Variants in CENPU observed in about 807,000 individuals in gnomAD.
CENPU encodes KSHV latent nuclear antigen interacting protein 1.
Under a neutral mutation model 56.7 loss-of-function variants are expected in CENPU, and 46 were observed. That is an observed-to-expected ratio of 0.81 (90% CI 0.64 to 1.04). The LOEUF is 1.04. CENPU is among the 50% of genes least tolerant of loss of function. The pLI is 0.00. For synonymous variants in CENPU, 166 were observed against 163.0 expected, an observed-to-expected ratio of 1.02 and a Z score of -0.14; for missense variants, 510 against 490.1, an observed-to-expected ratio of 1.04 and a Z score of -0.38.
At chr4:184,732,985 C>CAAAAA (rs56015944) in intron 1 of CENPU, among the ~76,000 whole-genome samples, 1 of 114,870 alleles carries the variant, frequency 8.7e-6, no homozygotes, top group African/African-American at 3.3e-5. Context: ...GACTCCGTCT[C>CAAAAA]AAAAAAAAAA....
rs1384473833 is a variant in CENPU, at chr4:184,710,138, T to C, written c.731A>G (p.Lys244Arg). 9.9e-6 allele frequency: 16 copies of C among 1,610,942 alleles called. No individual in the cohort carries two copies. The highest frequency in any genetic ancestry group is 1.7e-4 in the Middle Eastern group (1 of 6,056). ...ATTCAACTCCTTGATGTCACTGGTTTTCATTCCTTCTGGACACCAAATGTG... is the reference window on the plus strand; with the variant it reads ...ATTCAACTCCTTGATGTCACTGGTTCTCATTCCTTCTGGACACCAAATGTG... ...IVHIWCPEGMKTSDIKELNIV... is the reference protein window; with the variant it reads ...IVHIWCPEGMRTSDIKELNIV... The change falls in exon 8 of 13, where the codon AAA (lysine) becomes AGA (arginine). Residue 244 changes from lysine to arginine, a missense_variant. Coordinates refer to ENST00000281453, the MANE Select transcript of CENPU (RefSeq NM_024629.4).
In CENPU at chr4:184,694,622, C is replaced by T. The variant is rs774537982; in HGVS notation, c.*666G>A. The T allele has an allele frequency of 2.5e-6, 4 of 1,614,032 alleles. No individual in the cohort carries two copies. The Admixed American group carries it at 5.0e-5, about 20-fold the overall frequency. ...AGCAGGCTGTCAACAGGTGCATCTG[C>T]TGATGCTGTCTGGGATAATGGCATT... On this transcript the variant is annotated 3_prime_UTR_variant, in exon 13 of 13. Transcript: ENST00000281453.
intron 8 of CENPU, among the ~76,000 whole-genome samples, chr4:184,707,595 C>A (rs998595204): frequency 1.3e-5 from 2 of 152,164 alleles, no homozygotes; most frequent in Non-Finnish European, 2.9e-5. Flanking sequence ...GCTGACCTGA[C>A]AGGCTGTTTT....
At chr4:184,712,213 CTGTAG>C (rs1456370074) in intron 7 of CENPU, among the ~76,000 whole-genome samples, 4 of 151,356 alleles carry the variant, frequency 2.6e-5, no homozygotes, top group Non-Finnish European at 5.9e-5. Flanking sequence ...ACTGGATCAA[CTGTAG>C]TGTAATCACA....
intron 6 of CENPU, 61 bp from the exon 7 acceptor site, chr4:184,713,074 A>G: frequency 2.8e-6 from 3 of 1,054,748 alleles, no homozygotes; most frequent in Non-Finnish European, 4.2e-6. Context: ...AAACATTAGG[A>G]TTAAGACTGT....
intron 11 of CENPU, chr4:184,699,468 G>C: frequency 1.3e-6 from 1 of 777,820 alleles, no homozygotes; most frequent in Non-Finnish European, 1.9e-6. Context: ...AGTTAGCATA[G>C]GAAGCGTTTA....
In CENPU at chr4:184,694,872, C is replaced by A; in HGVS notation, c.*416G>T. On this transcript the variant is annotated 3_prime_UTR_variant, in exon 13 of 13. Coordinates refer to ENST00000281453, the MANE Select transcript of CENPU (RefSeq NM_024629.4). ...ATATCATTCAACCTGTTTATATAAACTAAGTTTTATTACTTTGCTTTCCAA... is the reference window on the plus strand; with the variant it reads ...ATATCATTCAACCTGTTTATATAAAATAAGTTTTATTACTTTGCTTTCCAA... The A allele has an allele frequency of 9.0e-7, 1 of 1,112,642 alleles. No homozygotes were observed. Among genetic ancestry groups the A allele is most frequent in the Non-Finnish European group, 1.3e-6 (1 of 787,812 alleles). 68.9% of individuals were successfully genotyped at this position (1,112,642 alleles called of 1,614,324 possible).
At chr4:184,725,222 C>G (rs185807736) in intron 3 of CENPU, among the ~76,000 whole-genome samples, 160 bp from the exon 4 acceptor site, 1 of 152,310 alleles carries the variant, frequency 6.6e-6, no homozygotes, top group East Asian at 1.9e-4. Flanking sequence ...GATCTCACAC[C>G]TCAACAATAA....
rs189768655 is a variant in CENPU at position 184,698,575 on chromosome 4, C to T, written c.987-772G>A. Among the ~76,000 whole-genome samples, 340 of 152,160 alleles carry T rather than the reference C, an allele frequency of 2.2e-3. 2 individuals carry two copies. The highest frequency in any genetic ancestry group is 7.7e-3 in the African/African-American group (321 of 41,502). ...AAGTGATTCTCCTGCCTCAGCCTCT[C>T]GAGTAGCTGGGATTACAGGTGCCCA... is the stretch of plus-strand genomic sequence containing the variant. On this transcript the variant is annotated intron_variant, in intron 11 of 12. Transcript: ENST00000281453.
At chr4:184,714,695 G>A (rs933889364) in intron 6 of CENPU, among the ~76,000 whole-genome samples, 1 of 151,952 alleles carries the variant, frequency 6.6e-6, no homozygotes, top group Non-Finnish European at 1.5e-5. Flanking sequence ...AAAATAAAAT[G>A]GAATACAAAA....
intron 8 of CENPU, among the ~76,000 whole-genome samples, chr4:184,703,378 C>T (rs1386727214): frequency 6.6e-6 from 1 of 152,080 alleles, no homozygotes; most frequent in Non-Finnish European, 1.5e-5. Context: ...AAAGCTGACT[C>T]AAAGAAACTG....
Position 184,712,996 on chromosome 4 carries a change from C to T in CENPU, c.636G>A (p.Gly212=). 1 of 1,585,828 alleles carries T rather than the reference C, an allele frequency of 6.3e-7. No individual in the cohort carries two copies. Among genetic ancestry groups the T allele is most frequent in the South Asian group, 1.1e-5 (1 of 88,402 alleles). Residue 212 remains glycine (G), a synonymous_variant, in exon 7 of 13, where the codon GGG becomes GGA. Coordinates refer to ENST00000281453, the MANE Select transcript of CENPU (RefSeq NM_024629.4). ...TCTTCCTTTTGTCATGAGATATCTT[C>T]CCTTTTTTCTGAGTTTTCTACAAAA... The part of the protein sequence containing the change: ...IESQSKTQKK[G]KISHDKRKKS...
In CENPU at chr4:184,716,653, G is replaced by C; in HGVS notation, c.382-20C>G. 1 of 1,550,514 alleles carries C rather than the reference G, an allele frequency of 6.4e-7. No homozygotes were observed. Among genetic ancestry groups the C allele is most frequent in the Non-Finnish European group, 8.9e-7 (1 of 1,124,584 alleles). On this transcript the variant is annotated intron_variant, in intron 5 of 12. Coordinates refer to ENST00000281453, the MANE Select transcript of CENPU (RefSeq NM_024629.4). ...TCCTGGCTGTGTGAAAGAAAAAACA[G>C]CAGTACTTATGTAGAAAATAGAAAT...
intron 11 of CENPU, chr4:184,699,456 T>G (rs1760456771): frequency 5.1e-5 from 33 of 647,216 alleles, no homozygotes; most frequent in Non-Finnish European, 7.0e-5. Flanking sequence ...GTGATGATGA[T>G]GAGTTAGCAT....
chr4:184,726,159 G>T (rs1483430392), intron 3 of CENPU, among the ~76,000 whole-genome samples: 1 of 152,114 alleles, frequency 6.6e-6, no homozygotes, highest in Non-Finnish European at 1.5e-5. Flanking sequence ...GAGGCAAAGG[G>T]ATTTATTTAC....
intron 2 of CENPU, among the ~76,000 whole-genome samples, chr4:184,729,479 T>C (rs894226231): frequency 1.3e-5 from 2 of 152,250 alleles, no homozygotes; most frequent in Non-Finnish European, 2.9e-5. Context: ...TGTGTTCCAA[T>C]ACAATTTGAC....
chr4:184,695,467 A>G lies in CENPU; in HGVS notation c.1144-66T>C, dbSNP rs534189712. 4.7e-5 allele frequency: 51 copies of G among 1,075,760 alleles called. No individual in the cohort carries two copies. In the South Asian group the frequency reaches 5.0e-4, roughly 10 times the overall value. 66.6% of individuals were successfully genotyped at this position (1,075,760 alleles called of 1,614,324 possible). On this transcript the variant is annotated intron_variant, in intron 12 of 12. Transcript: ENST00000281453. ...CATAACCTTGTCCTTAGATAGCCCA[A>G]TCTTATGACTAATGCAAATTTTGAT...
chr4:184,709,952 G>A, intron 8 of CENPU, 120 bp downstream of exon 8: 1 of 426,094 alleles, frequency 2.3e-6, no homozygotes, highest in Non-Finnish European at 4.2e-6. Context: ...ATAATAAAAT[G>A]TAAAAATATC....
intron 6 of CENPU, among the ~76,000 whole-genome samples, chr4:184,715,677 T>C: frequency 6.6e-6 from 1 of 152,204 alleles, no homozygotes; most frequent in East Asian, 1.9e-4. Flanking sequence ...CACAAATATT[T>C]AGCTACAACA....
Sources: gnomAD v4.1 joint callset for allele counts (sites outside exome capture counted in the v4.1 genomes callset) on GRCh38, gnomAD v4.1.1 for gene constraint, MANE v1.5 for transcripts, NCBI Gene and HGNC (gene_info 2026-07-23, HGNC 2026-07-21) for gene names.